Variants in ASXL1 observed in about 807,000 individuals in gnomAD.
ASXL1 encodes the protein ASXL transcriptional regulator 1.
A neutral mutation model predicts 89.1 loss-of-function variants in ASXL1; 65 were observed. The ratio of observed to expected loss-of-function variants is 0.73; its 90% CI spans 0.60 to 0.90. The LOEUF is 0.90. Ranked by LOEUF, ASXL1 falls within the 40% of genes least tolerant of loss-of-function variation. The pLI is 0.00. For synonymous variants in ASXL1, 739 were observed against 746.9 expected, an observed-to-expected ratio of 0.99 and a Z score of 0.17; for missense variants, 1,786 against 1,942.9, an observed-to-expected ratio of 0.92 and a Z score of 1.52.
In ASXL1 at chr20:32,433,287, G is replaced by A. The variant is rs746812385; in HGVS notation, c.1089G>A (p.Leu363=). Residue 363 remains leucine, a synonymous_variant, in exon 12 of 13, where the codon CTG becomes CTA. Coordinates refer to ENST00000375687, the MANE Select transcript of ASXL1 (RefSeq NM_015338.6). ...TGGCTGTGATTTTGATTTGCAGGCT[G>A]GGTTTGACCAAAGAAGAGTCATTGC... is the stretch of plus-strand genomic sequence containing the variant. The part of the protein sequence containing the change: ...KFFEDYYGQK[L]GLTKEESLQQ... The A allele has an allele frequency of 1.2e-6, 2 of 1,614,194 alleles. No individual in the cohort carries two copies. The highest frequency in any genetic ancestry group is 2.2e-5 in the South Asian group (2 of 91,064).
chr20:32,361,700 TTGTG>T (rs1414012524), intron 1 of ASXL1, among the ~76,000 whole-genome samples: 1 of 151,938 alleles, frequency 6.6e-6, no homozygotes, highest in Non-Finnish European at 1.5e-5. Flanking sequence ...TTTGAGTATC[TTGTG>T]TGTGTTTTTT....
chr20:32,429,492 C>G lies in ASXL1; in HGVS notation c.565+61C>G. 1 of 1,533,514 alleles carries G rather than the reference C, an allele frequency of 6.5e-7. No individual in the cohort carries two copies. The highest frequency in any genetic ancestry group is 9.0e-7 in the Non-Finnish European group (1 of 1,107,450). 95.0% of individuals were successfully genotyped at this position (1,533,514 alleles called of 1,614,324 possible). ...CAGGTCCTGGGGACCTGGCCTCCCT[C>G]TGTCAGCAGTTTCTGACCTAATAGT... On this transcript the variant is annotated intron_variant, in intron 7 of 12. Coordinates refer to ENST00000375687, the MANE Select transcript of ASXL1 (RefSeq NM_015338.6). This position sits in a 1 kb window ranked among gnomAD's most constrained non-coding sequence, Gnocchi z 4.9.
At chr20:32,411,115 T>C (rs2049037023) in intron 4 of ASXL1, among the ~76,000 whole-genome samples, 1 of 149,744 alleles carries the variant, frequency 6.7e-6, no homozygotes, top group African/African-American at 2.4e-5. Flanking sequence ...TTTTTTTAAG[T>C]TCCACCATTT....
chr20:32,374,483 A>AGG (rs149881900), intron 4 of ASXL1, among the ~76,000 whole-genome samples: 2 of 151,992 alleles, frequency 1.3e-5, no homozygotes, highest in African/African-American at 4.8e-5. Context: ...ATAGAGATGG[A>AGG]GGGGGTCTCA....
intron 4 of ASXL1, among the ~76,000 whole-genome samples, chr20:32,413,966 C>G (rs912610152): frequency 1.3e-5 from 2 of 152,202 alleles, no homozygotes; most frequent in Admixed American, 6.5e-5. Flanking sequence ...GTGTTCCACA[C>G]TAGATTGTTG....
intron 1 of ASXL1, 87 bp from the exon 2 acceptor site, chr20:32,366,297 C>T: frequency 1.7e-6 from 2 of 1,184,922 alleles, no homozygotes; most frequent in Admixed American, 1.7e-5. Context: ...AGCGGTACCT[C>T]ATAGCATAAC....
Position 32,374,645 on chromosome 20 carries a change from A to G in ASXL1, c.252+5522A>G, listed in dbSNP as rs141840884. 9.3e-3 allele frequency among the ~76,000 whole-genome samples: 1,408 copies of G among 152,072 alleles called. 61 individuals are homozygous for G. The highest frequency in any genetic ancestry group is 0.073 in the Admixed American group (1,114 of 15,242). On this transcript the variant is annotated intron_variant, in intron 4 of 12. Coordinates refer to ENST00000375687, the MANE Select transcript of ASXL1 (RefSeq NM_015338.6). ...AAGAATTCCAGATTTCCAGCCATGA[A>G]TGTGTGATTACTAACTAGTCTCTTG...
At chr20:32,392,813 A>G (rs924848340) in intron 4 of ASXL1, among the ~76,000 whole-genome samples, 6 of 152,076 alleles carry the variant, frequency 3.9e-5, no homozygotes, top group African/African-American at 1.4e-4. Context: ...TTTTGATTTA[A>G]TTCCATTGTG....
chr20:32,394,697 G>T (rs1424959760), intron 4 of ASXL1, among the ~76,000 whole-genome samples: 3 of 151,976 alleles, frequency 2.0e-5, no homozygotes, highest in Non-Finnish European at 4.4e-5. Context: ...TTTCATTTAA[G>T]TAGTCAATTT....
intron 4 of ASXL1, among the ~76,000 whole-genome samples, chr20:32,410,310 T>G (rs2049021552): frequency 6.6e-6 from 1 of 152,200 alleles, no homozygotes. Context: ...TATTCCTTTA[T>G]TTAGTTTTTA....
In ASXL1 at chr20:32,366,373, T is replaced by C. The variant is rs770206204; in HGVS notation, c.58-11T>C. ...TTGCACACTGAAATTAGGACGTTTA[T>C]ATTTCTTCAGGTATTAGAAAACTAC... On this transcript the variant is annotated splice_polypyrimidine_tract_variant and intron_variant, in intron 1 of 12. Coordinates refer to ENST00000375687, the MANE Select transcript of ASXL1 (RefSeq NM_015338.6). 1.2e-6 allele frequency: 2 copies of C among 1,600,224 alleles called. No individual in the cohort carries two copies. The highest frequency in any genetic ancestry group is 1.1e-5 in the South Asian group (1 of 90,806).
rs2012059300 is a variant in ASXL1, at chr20:32,438,610, C to T, written c.*1272C>T. 4.3e-6 allele frequency: 1 copy of T among 233,562 alleles called. No individual in the cohort carries two copies. Among genetic ancestry groups the T allele is most frequent in the Non-Finnish European group, 8.5e-6 (1 of 118,028 alleles). 14.5% of individuals were successfully genotyped at this position (233,562 alleles called of 1,614,324 possible). On this transcript the variant is annotated 3_prime_UTR_variant, in exon 13 of 13. Transcript: ENST00000375687. ...CTTTTCACATCTCTCCTCCTACAGC[C>T]TTAATGGCTGCTTGCTGCCATATGT...
intron 8 of ASXL1, chr20:32,430,666 A>G (rs1030812257): frequency 1.3e-5 from 3 of 232,020 alleles, no homozygotes; most frequent in Non-Finnish European, 2.6e-5. Context: ...CATTAAGAAG[A>G]CAAGCTTTTG....
In ASXL1 at chr20:32,435,346, T is replaced by C; in HGVS notation, c.2634T>C (p.Ser878=). ...LGGSCPPMRE[S]DTRQENLKTK... ...GCTCATGCCCTCCTATGAGGGAAAG[T>C]GATACTAGACAAGAAAACTTGAAAA... Residue 878 remains serine, a synonymous_variant, in exon 13 of 13, where the codon AGT becomes AGC. Coordinates refer to ENST00000375687, the MANE Select transcript of ASXL1 (RefSeq NM_015338.6). 6.2e-7 allele frequency: 1 copy of C among 1,614,126 alleles called. No homozygotes were observed. Among genetic ancestry groups the C allele is most frequent in the Non-Finnish European group, 8.5e-7 (1 of 1,180,024 alleles).
intron 4 of ASXL1, among the ~76,000 whole-genome samples, chr20:32,409,208 C>T (rs1309112118): frequency 1.3e-5 from 2 of 151,758 alleles, no homozygotes; most frequent in Non-Finnish European, 1.5e-5. Context: ...CTCTTGACCT[C>T]GTGATCTACC....
intron 4 of ASXL1, among the ~76,000 whole-genome samples, chr20:32,396,210 G>T (rs2048760277): frequency 6.6e-6 from 1 of 151,880 alleles, no homozygotes. Context: ...ATCATCTTTG[G>T]GTCTGTTTTT....
intron 4 of ASXL1, among the ~76,000 whole-genome samples, chr20:32,420,417 G>A (rs967888047): frequency 2.6e-5 from 4 of 151,924 alleles, no homozygotes; most frequent in African/African-American, 9.7e-5. Flanking sequence ...TGCCACATTC[G>A]TAGTGTCTTG....
chr20:32,419,707 G>C (rs1259236727), intron 4 of ASXL1, among the ~76,000 whole-genome samples: 1 of 145,278 alleles, frequency 6.9e-6, no homozygotes, highest in African/African-American at 2.6e-5. Context: ...TTGAGACAGA[G>C]TTTCGCTCTT....
In ASXL1 at chr20:32,436,471, T is replaced by C. The variant is rs4911231; in HGVS notation, c.3759T>C (p.Ser1253=). The stretch of plus-strand genomic sequence containing the variant: ...AAGTCCGTGCTATGTCACAGGACAG[T>C]AATTCAAATGCTGCTCCAGGAAAGA... ...QKEVRAMSQD[S]NSNAAPGKSP... Residue 1253 remains serine (S), a synonymous_variant, in exon 13 of 13, where the codon AGT becomes AGC. Transcript: ENST00000375687. The C allele has an allele frequency of 0.39, 628,422 of 1,613,818 alleles. 127,377 individuals carry two copies. The highest frequency in any genetic ancestry group is 0.72 in the East Asian group (32,486 of 44,876).
Sources: gnomAD v4.1 joint callset for allele counts (sites outside exome capture counted in the v4.1 genomes callset) on GRCh38, gnomAD v4.1.1 for gene constraint, Gnocchi (gnomAD v3.1) non-coding constraint, MANE v1.5 for transcripts, NCBI Gene and HGNC (gene_info 2026-07-23, HGNC 2026-07-21) for gene names.